Variants in DPY19L1 observed in about 807,000 individuals in gnomAD.
DPY19L1 encodes the protein dpy-19 like C-mannosyltransferase 1.
A neutral mutation model predicts 96.9 loss-of-function variants in DPY19L1; 35 were observed. That is an observed-to-expected ratio of 0.36 (90% confidence interval 0.28 to 0.48). The LOEUF is 0.48. Among genes scored for constraint, DPY19L1 ranks in the 20% least tolerant of loss-of-function variants. The pLI is 0.99. For missense variants in DPY19L1, 521 were observed against 777.9 expected (o/e 0.67, Z 3.93); for synonymous variants, 205 against 252.6 (o/e 0.81, Z 1.79).
At chr7:34,974,148 A>G (rs934657605) in intron 7 of DPY19L1, among the ~76,000 whole-genome samples, 4 of 152,216 alleles carry the variant, frequency 2.6e-5, no homozygotes, top group African/African-American at 7.2e-5. Context: ...ATTAAGTAAC[A>G]AAAGTCCTGA....
rs1784679329 is a variant in DPY19L1, at chr7:34,969,422, A to G, written c.1014+11T>C. The G allele has an allele frequency of 5.6e-6, 8 of 1,438,968 alleles. No individual in the cohort carries two copies. In the South Asian group the frequency reaches 6.1e-5, roughly 11 times the overall value. The allele number at this position is 1,438,968 out of a possible 1,614,324, so 89.1% of individuals were successfully genotyped here. A position where few individuals can be genotyped will look rare whatever the true frequency, so the allele number is the denominator to read the frequency against. On this transcript the variant is annotated intron_variant, in intron 9 of 21. Coordinates refer to ENST00000638088, the MANE Select transcript of DPY19L1 (RefSeq NM_001366673.1). ...CTAAGCTTAAAACAGCTTAAAATAT[A>G]ATCACCTCACCTGAGTAAGAAGTAC... is the stretch of plus-strand genomic sequence containing the variant.
At chr7:34,975,334 G>C (rs907958453) in intron 7 of DPY19L1, among the ~76,000 whole-genome samples, 1 of 152,194 alleles carries the variant, frequency 6.6e-6, no homozygotes, top group African/African-American at 2.4e-5. Flanking sequence ...GTTCTGGATG[G>C]AAGATCAAAC....
chr7:34,992,543 CT>C (rs34687334), intron 6 of DPY19L1, among the ~76,000 whole-genome samples: 30,415 of 133,564 alleles, frequency 0.23, 3,430 homozygotes, highest in Non-Finnish European at 0.28. Flanking sequence ...ACCTTCCTGC[CT>C]TTTTTTTTTT....
At chr7:34,966,528 G>A (rs942326879) in intron 10 of DPY19L1, among the ~76,000 whole-genome samples, 1 of 152,150 alleles carries the variant, frequency 6.6e-6, no homozygotes, top group East Asian at 1.9e-4. Flanking sequence ...CTGGCGTCAA[G>A]TGAACCCCAC....
At position 34,938,113 on chromosome 7, in the gene DPY19L1, T is replaced by C; in HGVS notation, c.1971A>G (p.Arg657=). 6.2e-7 allele frequency: 1 copy of C among 1,612,210 alleles called. No individual in the cohort carries two copies. The highest frequency in any genetic ancestry group is 8.5e-7 in the Non-Finnish European group (1 of 1,179,562). Residue 657 remains arginine (R), a synonymous_variant, in exon 21 of 22, where the codon AGA becomes AGG. Coordinates refer to ENST00000638088, the MANE Select transcript of DPY19L1 (RefSeq NM_001366673.1). Reference sequence around the variant, plus strand: ...TATACATTGAGTATACTATTTTTGTTCTGGCTCTTTAAAGAAAAATAATTG... The same window carrying C: ...TATACATTGAGTATACTATTTTTGTCCTGGCTCTTTAAAGAAAAATAATTG... ...PHYEDAGLRA[R]TKIVYSMYSR...
chr7:35,035,826 C>T (rs1022256789), intron 1 of DPY19L1, among the ~76,000 whole-genome samples: 1 of 151,896 alleles, frequency 6.6e-6, no homozygotes, highest in Non-Finnish European at 1.5e-5. Flanking sequence ...GGCTCTGCCT[C>T]ATCCACTGTA....
At chr7:34,944,094 G>A (rs1784084496) in intron 16 of DPY19L1, among the ~76,000 whole-genome samples, 2 of 152,070 alleles carry the variant, frequency 1.3e-5, no homozygotes, top group South Asian at 4.1e-4. Flanking sequence ...GCCAGGCGCA[G>A]TGGCTCATGC....
intron 6 of DPY19L1, among the ~76,000 whole-genome samples, chr7:34,994,109 A>T (rs1485443097): frequency 1.3e-5 from 2 of 152,178 alleles, no homozygotes; most frequent in African/African-American, 4.8e-5. Context: ...TCAAGTACTA[A>T]AAGTTAAAAC....
At chr7:34,994,731 G>A (rs915831768) in intron 6 of DPY19L1, among the ~76,000 whole-genome samples, 1 of 151,878 alleles carries the variant, frequency 6.6e-6, no homozygotes, top group Non-Finnish European at 1.5e-5. Context: ...GTGAACCCAG[G>A]AGGTGGAGCT....
chr7:34,980,961 A>G (rs1277139124), intron 7 of DPY19L1, among the ~76,000 whole-genome samples: 2 of 152,204 alleles, frequency 1.3e-5, no homozygotes, highest in South Asian at 2.1e-4. Flanking sequence ...GAAGCCCCCA[A>G]ATAGGCAAAA....
At chr7:35,016,334 A>G (rs740497) in intron 3 of DPY19L1, among the ~76,000 whole-genome samples, 30,600 of 152,164 alleles carry the variant, frequency 0.2, 3,426 homozygotes, top group Admixed American at 0.35. Context: ...AAAATCCATC[A>G]TATCATAATG....
chr7:35,018,726 T>A (rs1182216552), intron 1 of DPY19L1, 130 bp from the exon 2 acceptor site: 20 of 764,118 alleles, frequency 2.6e-5, no homozygotes, highest in Middle Eastern at 3.6e-4. Flanking sequence ...TTCAAAAAAG[T>A]CCCAGGGCTA....
chr7:34,997,497 C>T (rs1157727639), intron 6 of DPY19L1, among the ~76,000 whole-genome samples: 6 of 147,968 alleles, frequency 4.1e-5, no homozygotes, highest in Admixed American at 2.0e-4. Flanking sequence ...GTAGTCCCAG[C>T]TACTCGGGAG....
At chr7:35,015,281 G>A (rs1785816341) in intron 3 of DPY19L1, among the ~76,000 whole-genome samples, 1 of 152,128 alleles carries the variant, frequency 6.6e-6, no homozygotes, top group Admixed American at 6.5e-5. Context: ...GTAACATTAA[G>A]ATACTGTAAT....
At chr7:34,990,122 CTTTTCTCAT>C (rs1361465739) in intron 6 of DPY19L1, among the ~76,000 whole-genome samples, 181 bp from the exon 7 acceptor site, 3 of 152,134 alleles carry the variant, frequency 2.0e-5, no homozygotes, top group Non-Finnish European at 4.4e-5. Context: ...TCAAAATAAT[CTTTTCTCAT>C]TTTTTAAAAA....
At chr7:35,036,792 A>G (rs935214515) in intron 1 of DPY19L1, among the ~76,000 whole-genome samples, 1 of 151,994 alleles carries the variant, frequency 6.6e-6, no homozygotes, top group African/African-American at 2.4e-5. Flanking sequence ...AAGTCTCGTT[A>G]GCGCAGACCT....
intron 10 of DPY19L1, among the ~76,000 whole-genome samples, chr7:34,959,292 G>A (rs1237272367): frequency 6.6e-6 from 1 of 152,170 alleles, no homozygotes; most frequent in East Asian, 1.9e-4. Flanking sequence ...CAACTATTGT[G>A]GAAGATAGTG....
At position 34,938,025 on chromosome 7, in the gene DPY19L1, G is replaced by A. The variant is rs775294421; in HGVS notation, c.2059C>T (p.Leu687=). ...LIKLKVNYYI[L]EESWCVRRSK... ...CTTCTTACACACCATGACTCTTCTA[G>A]AATGTAATAGTTCACTTTTAACTTT... is the stretch of plus-strand genomic sequence containing the variant. The change falls in exon 21 of 22, where the codon CTA becomes TTA. Residue 687 remains leucine (L), a synonymous_variant. Coordinates refer to ENST00000638088, the MANE Select transcript of DPY19L1 (RefSeq NM_001366673.1). The A allele has an allele frequency of 6.2e-7, 1 of 1,613,720 alleles. No homozygotes were observed. Among genetic ancestry groups the A allele is most frequent in the East Asian group, 2.2e-5 (1 of 44,888 alleles).
At chr7:34,948,580 T>C (rs1017723667) in intron 14 of DPY19L1, among the ~76,000 whole-genome samples, 8 of 152,212 alleles carry the variant, frequency 5.3e-5, no homozygotes, top group African/African-American at 1.9e-4. Flanking sequence ...TCATGCTATG[T>C]CTCAATAAAT....
Sources: gnomAD v4.1 joint callset for allele counts (sites outside exome capture counted in the v4.1 genomes callset) on GRCh38, gnomAD v4.1.1 for gene constraint, MANE v1.5 for transcripts, NCBI Gene and HGNC (gene_info 2026-07-23, HGNC 2026-07-21) for gene names.